Variants in DENND2A observed in about 807,000 individuals in gnomAD.
DENND2A encodes DENN domain-containing protein 2A.
In DENND2A, 53 loss-of-function variants were observed where a neutral mutation model predicts 105.3. The observed-to-expected ratio is 0.50, with a 90% CI of 0.40 to 0.63. The LOEUF is 0.63. DENND2A is among the 30% of genes least tolerant of loss of function. The probability of loss-of-function intolerance (pLI) is 0.00; values close to 1 mark genes in which losing one functional copy is unlikely to be tolerated. For synonymous variants in DENND2A, 522 were observed against 508.4 expected (o/e 1.03, Z -0.36); for missense variants, 1,138 against 1,279.6 (o/e 0.89, Z 1.69).
chr7:140,622,409 T>A (rs942642884), intron 1 of DENND2A, among the ~76,000 whole-genome samples: 1 of 151,682 alleles, frequency 6.6e-6, no homozygotes, highest in Non-Finnish European at 1.5e-5. Flanking sequence ...AAAAAAAAAA[T>A]TAATTTTGAA....
rs916488050 is a variant in DENND2A at position 140,559,876 on chromosome 7, C to T, written c.1780-59G>A. On this transcript the variant is annotated intron_variant, in intron 9 of 19. Coordinates refer to ENST00000496613, the MANE Select transcript of DENND2A (RefSeq NM_015689.5). This position sits in a 1 kb window ranked among gnomAD's most constrained non-coding sequence, Gnocchi z 4.1. ...CAAATCTCAGCATGGGAAATTGAGG[C>T]GGATGATGGTAAGGATGGCCTCTCC... is the stretch of plus-strand genomic sequence containing the variant. The T allele has an allele frequency of 1.3e-5, 17 of 1,304,766 alleles. No individual in the cohort carries two copies. The highest frequency in any genetic ancestry group is 4.4e-5 in the African/African-American group (3 of 68,842). 80.8% of individuals were successfully genotyped at this position (1,304,766 alleles called of 1,614,324 possible). A position where few individuals can be genotyped will look rare whatever the true frequency, so the allele number is the denominator to read the frequency against.
At chr7:140,522,156 C>A in intron 17 of DENND2A, 56 bp from the exon 18 acceptor site, 1 of 1,591,896 alleles carries the variant, frequency 6.3e-7, no homozygotes, top group Non-Finnish European at 8.6e-7. Context: ...TGGGCCAGAG[C>A]CCTTGAGACA....
Position 140,523,358 on chromosome 7 carries a change from T to G in DENND2A, c.2614A>C (p.Arg872=). The G allele has an allele frequency of 1.2e-6, 2 of 1,614,174 alleles. No individual in the cohort carries two copies. The highest frequency in any genetic ancestry group is 1.7e-6 in the Non-Finnish European group (2 of 1,180,036). ...QVALEHILEQ[R]NELACEQDEG... is the part of the protein sequence containing the mutation. ...TCCTGCTCACAAGCCAGCTCGTTCC[T>G]CTGTTCCAGAATGTGTTCCAGGGCC... The change falls in exon 17 of 20, where the codon AGG becomes CGG. Residue 872 remains arginine (R), a synonymous_variant. Transcript: ENST00000496613. This position sits in a 1 kb window ranked among gnomAD's most constrained non-coding sequence, Gnocchi z 4.5.
chr7:140,557,192 C>T (rs919723163), intron 11 of DENND2A, among the ~76,000 whole-genome samples: 2 of 151,846 alleles, frequency 1.3e-5, no homozygotes, highest in African/African-American at 4.8e-5. Context: ...ATTACTTGAG[C>T]CCAAGAGTTC....
chr7:140,540,153 C>T (rs1198459245), intron 14 of DENND2A, among the ~76,000 whole-genome samples: 1 of 152,242 alleles, frequency 6.6e-6, no homozygotes, highest in Non-Finnish European at 1.5e-5. Flanking sequence ...CACACTCGCA[C>T]ACCATTACTG....
intron 1 of DENND2A, among the ~76,000 whole-genome samples, chr7:140,607,050 A>C (rs1485961246): frequency 6.6e-6 from 1 of 152,124 alleles, no homozygotes; most frequent in Non-Finnish European, 1.5e-5. Flanking sequence ...CCTAGTGGAG[A>C]GGAGCCACCT....
At chr7:140,553,546 C>T (rs1000593552) in intron 12 of DENND2A, among the ~76,000 whole-genome samples, 2 of 152,146 alleles carry the variant, frequency 1.3e-5, no homozygotes, top group African/African-American at 2.4e-5. Flanking sequence ...GGCTGGGGGA[C>T]GGTCAGGTCT....
At chr7:140,533,319 T>C (rs1796334462) in intron 14 of DENND2A, among the ~76,000 whole-genome samples, 1 of 152,150 alleles carries the variant, frequency 6.6e-6, no homozygotes, top group Non-Finnish European at 1.5e-5. Flanking sequence ...TTCCTTGTGG[T>C]CTCATTCCTA....
At chr7:140,548,159 C>A (rs951944846) in intron 12 of DENND2A, among the ~76,000 whole-genome samples, 2 of 152,050 alleles carry the variant, frequency 1.3e-5, no homozygotes, top group African/African-American at 4.8e-5. Flanking sequence ...CTTCTGGGCT[C>A]AAGTGTCCTC....
chr7:140,552,884 T>C (rs1342552095), intron 12 of DENND2A, among the ~76,000 whole-genome samples: 3 of 151,662 alleles, frequency 2.0e-5, no homozygotes, highest in African/African-American at 7.3e-5. Flanking sequence ...AGTTCTACCA[T>C]GGGAAGAGAT....
At chr7:140,626,145 C>G (rs1007891629) in intron 1 of DENND2A, among the ~76,000 whole-genome samples, 3 of 152,226 alleles carry the variant, frequency 2.0e-5, no homozygotes, top group African/African-American at 7.2e-5. Flanking sequence ...TCCACCTTGA[C>G]GGCACCGTAC....
At chr7:140,577,687 C>T (rs931565365) in intron 5 of DENND2A, among the ~76,000 whole-genome samples, 4 of 152,072 alleles carry the variant, frequency 2.6e-5, no homozygotes, top group African/African-American at 7.2e-5. Flanking sequence ...CGTGATCCAC[C>T]GCGCCCAGCC....
At chr7:140,564,181 G>T (rs1171345249) in intron 9 of DENND2A, among the ~76,000 whole-genome samples, 1 of 151,914 alleles carries the variant, frequency 6.6e-6, no homozygotes, top group East Asian at 1.9e-4. Context: ...TACTCGGGAG[G>T]CTGATGCAGG....
At chr7:140,611,754 C>A (rs78225769) in intron 1 of DENND2A, among the ~76,000 whole-genome samples, 7,320 of 152,236 alleles carry the variant, frequency 0.048, 242 homozygotes, top group Non-Finnish European at 0.073. Context: ...ATAAAATGTC[C>A]AGAGCGGGCA....
chr7:140,542,508 C>G (rs138163361), intron 14 of DENND2A, among the ~76,000 whole-genome samples: 232 of 152,060 alleles, frequency 1.5e-3, no homozygotes, highest in Admixed American at 3.3e-3. Context: ...CTCCCTCCCC[C>G]ATCTTCCTCT....
intron 1 of DENND2A, among the ~76,000 whole-genome samples, chr7:140,632,776 C>G (rs1002915428): frequency 2.0e-5 from 3 of 151,060 alleles, no homozygotes; most frequent in African/African-American, 4.9e-5. Context: ...ATTGGCCAGA[C>G]GGATCTCCAA....
chr7:140,590,696 C>G (rs1798981239), intron 3 of DENND2A, among the ~76,000 whole-genome samples: 1 of 151,718 alleles, frequency 6.6e-6, no homozygotes, highest in Non-Finnish European at 1.5e-5. Flanking sequence ...AAGATCCCAT[C>G]TCTACAAAAA....
At chr7:140,546,382 C>T (rs1053638833) in intron 13 of DENND2A, among the ~76,000 whole-genome samples, 2 of 152,186 alleles carry the variant, frequency 1.3e-5, no homozygotes, top group Admixed American at 6.5e-5. Context: ...CACACCACTG[C>T]ACTCCAGCCT....
At position 140,602,464 on chromosome 7, in the gene DENND2A, A is replaced by T. The variant is rs1799552342; in HGVS notation, c.-67T>A. 1 of 1,471,812 alleles carries T rather than the reference A, an allele frequency of 6.8e-7. No individual in the cohort carries two copies. The highest frequency in any genetic ancestry group is 1.4e-5 in the African/African-American group (1 of 71,130). 91.2% of individuals were successfully genotyped at this position (1,471,812 alleles called of 1,614,324 possible). ...TCCTTCTGAAGCCTGACTCCTGATC[A>T]GTCTCTAGGAATGGAATGGAGGACT... On this transcript the variant is annotated 5_prime_UTR_variant, in exon 3 of 20. Transcript: ENST00000496613.
Sources: allele counts gnomAD v4.1 joint callset (sites outside exome capture counted in the v4.1 genomes callset), GRCh38; gene constraint gnomAD v4.1.1; non-coding constraint Gnocchi (gnomAD v3.1); transcripts MANE v1.5; gene names NCBI Gene and HGNC (gene_info 2026-07-23, HGNC 2026-07-21).